The following TRMT1 variants were observed in gnomAD, a reference collection of about 807,000 sequenced individuals.
The protein encoded by TRMT1 is tRNA (guanine(26)-N(2))-dimethyltransferase.
In TRMT1, 63 loss-of-function variants were observed where a neutral mutation model predicts 75.4. The ratio of observed to expected loss-of-function variants is 0.84; its 90% confidence interval spans 0.68 to 1.03. TRMT1 has a LOEUF of 1.03. Ranked by LOEUF, TRMT1 falls within the 50% of genes least tolerant of loss-of-function variation. The probability of loss-of-function intolerance (pLI) is 0.00; values close to 1 mark genes in which losing one functional copy is unlikely to be tolerated. For missense variants in TRMT1, 870 were observed against 905.3 expected (o/e 0.96, Z 0.50); for synonymous variants, 382 against 358.1 (o/e 1.07, Z -0.75).
intron 14 of TRMT1, 62 bp from the exon 15 acceptor site, chr19:13,105,668 T>C (rs1358493317): frequency 2.6e-6 from 4 of 1,512,418 alleles, no homozygotes; most frequent in Admixed American, 1.8e-5. Context: ...GTGTCCCCAC[T>C]CCCCACAGGG....
chr19:13,105,194 C>G (rs879339012), intron 16 of TRMT1, 73 bp downstream of exon 16: 4 of 1,564,426 alleles, frequency 2.6e-6, no homozygotes, highest in Non-Finnish European at 1.7e-6. Context: ...CCCAGCTCCC[C>G]CAATTCTCTC....
In TRMT1 at chr19:13,112,871, C is replaced by T. The variant is rs767106823; in HGVS notation, c.757+25G>A. ...CCTCCAACACCCCAAGCCCTGCTCC[C>T]ACCCCAGTGCCATCCCCACCTCACC... On this transcript the variant is annotated intron_variant, in intron 6 of 16. Coordinates refer to ENST00000357720, the MANE Select transcript of TRMT1 (RefSeq NM_001136035.4). The T allele has an allele frequency of 8.7e-6, 14 of 1,612,574 alleles. No homozygotes were observed. In the East Asian group the frequency reaches 3.1e-4, roughly 36 times the overall value.
intron 14 of TRMT1, 53 bp downstream of exon 14, chr19:13,107,521 T>C (rs1388387094): frequency 1.9e-6 from 3 of 1,541,860 alleles, no homozygotes; most frequent in East Asian, 2.4e-5. Flanking sequence ...CACACACATG[T>C]GCTTCCATGT....
Position 13,110,277 on chromosome 19 carries a change from G to A in TRMT1, c.900C>T (p.Asp300=). 6 of 1,603,154 alleles carry A rather than the reference G, an allele frequency of 3.7e-6. No homozygotes were observed. Among genetic ancestry groups the A allele is most frequent in the Non-Finnish European group, 5.1e-6 (6 of 1,174,208 alleles). The change falls in exon 8 of 17, where the codon GAC becomes GAT. Residue 300 remains aspartate (D), a synonymous_variant. Transcript: ENST00000357720. ...AGCGCTGGTAGCAGTTGGCGCGGAG[G>A]TCCAGGCTGTGCAGGACGATTCTCA... is the stretch of plus-strand genomic sequence containing the variant. ...MALRIVLHSL[D]LRANCYQRFV...
chr19:13,110,366 C>T, intron 7 of TRMT1, 60 bp from the exon 8 acceptor site: 2 of 1,516,736 alleles, frequency 1.3e-6, no homozygotes, highest in South Asian at 1.2e-5. Flanking sequence ...CACCAGGAGC[C>T]CTATGTGGTA....
chr19:13,111,106 C>G lies in TRMT1; in HGVS notation c.871-800G>C, dbSNP rs902345367. ...TGGACCACGCTGGAGTGCAGTGGCACTATCAAAGCTCACAATAACTTTGAA... is the reference window on the plus strand; with the variant it reads ...TGGACCACGCTGGAGTGCAGTGGCAGTATCAAAGCTCACAATAACTTTGAA... On this transcript the variant is annotated intron_variant, in intron 7 of 16. Coordinates refer to ENST00000357720, the MANE Select transcript of TRMT1 (RefSeq NM_001136035.4). Among the ~76,000 whole-genome samples, 45 of 152,314 alleles carry G rather than the reference C, an allele frequency of 3.0e-4. 2 individuals are homozygous for G. The highest frequency in any genetic ancestry group is 2.9e-3 in the Admixed American group (44 of 15,300).
chr19:13,113,003 A>G lies in TRMT1; in HGVS notation c.650T>C (p.Met217Thr). Residue 217 changes from methionine (M) to threonine (T), a missense_variant, in exon 6 of 17, where the codon ATG becomes ACG. Transcript: ENST00000357720. ...QPSQADARML[M>T]YQHQRVSERF... Reference sequence around the variant, plus strand: ...CTCCGACACCCTCTGGTGCTGGTACATCAGCATCCTGGGTGCAAAGAGGGC... The same window carrying G: ...CTCCGACACCCTCTGGTGCTGGTACGTCAGCATCCTGGGTGCAAAGAGGGC... The G allele has an allele frequency of 6.2e-7, 1 of 1,610,226 alleles. No individual in the cohort carries two copies. Among genetic ancestry groups the G allele is most frequent in the Non-Finnish European group, 8.5e-7 (1 of 1,178,064 alleles).
At chr19:13,113,240 C>T (rs2019211598) in intron 5 of TRMT1, among the ~76,000 whole-genome samples, 1 of 152,042 alleles carries the variant, frequency 6.6e-6, no homozygotes, top group Admixed American at 6.5e-5. Context: ...CTCCCTGCAA[C>T]CTCCGCTTCC....
In TRMT1 at chr19:13,112,811, A is replaced by T. The variant is rs1004441988; in HGVS notation, c.764T>A (p.Leu255Gln). 1.9e-6 allele frequency: 3 copies of T among 1,614,010 alleles called. No individual in the cohort carries two copies. Among genetic ancestry groups the T allele is most frequent in the African/African-American group, 2.7e-5 (2 of 74,916 alleles). The change falls in exon 7 of 17, where the codon CTG becomes CAG. Residue 255 changes from leucine (L) to glutamine (Q), a missense_variant. By Grantham distance (113) the Leu-to-Gln change is moderately radical (BLOSUM62 -2). Transcript: ENST00000357720. ...AVQAVSEGGL[L>Q]CVTCTDMAVL... ...CGCCATGTCTGTGCAGGTCACACAC[A>T]GCAACCCTGCAGAGAGGGGCTGGGC...
At chr19:13,112,406 G>A (rs886779509) in intron 7 of TRMT1, among the ~76,000 whole-genome samples, 13 of 152,034 alleles carry the variant, frequency 8.6e-5, no homozygotes, top group Middle Eastern at 3.2e-3. Context: ...CTGGAAAAAC[G>A]ACCTTTAAAA....
chr19:13,109,239 C>G (rs752205805), intron 12 of TRMT1, 142 bp downstream of exon 12: 2 of 979,890 alleles, frequency 2.0e-6, no homozygotes, highest in Non-Finnish European at 3.0e-6. Flanking sequence ...CTCAGCCTCC[C>G]AAGGTACTGG....
At chr19:13,105,441 C>A in intron 15 of TRMT1, 45 bp from the exon 16 acceptor site, 2 of 1,613,894 alleles carry the variant, frequency 1.2e-6, no homozygotes, top group Non-Finnish European at 1.7e-6. Context: ...GCCCTTTACC[C>A]CTTCTTTCCC....
chr19:13,107,237 C>A (rs1387444400), intron 14 of TRMT1, among the ~76,000 whole-genome samples: 1 of 152,062 alleles, frequency 6.6e-6, no homozygotes, highest in East Asian at 1.9e-4. Context: ...CAGGTTCAAG[C>A]GATTCTCCTG....
intron 16 of TRMT1, 35 bp from the exon 17 acceptor site, chr19:13,105,116 G>C (rs760251487): frequency 6.4e-7 from 1 of 1,556,404 alleles, no homozygotes; most frequent in Middle Eastern, 1.7e-4. Flanking sequence ...ACCCCTGCCC[G>C]GAGCTCAGCA....
intron 14 of TRMT1, among the ~76,000 whole-genome samples, 167 bp downstream of exon 14, chr19:13,107,407 T>C (rs2018924472): frequency 6.6e-6 from 1 of 152,256 alleles, no homozygotes; most frequent in Admixed American, 6.5e-5. Flanking sequence ...CCCAAAGTGC[T>C]GGGATTACAG....
In TRMT1 at chr19:13,107,589, A is replaced by G; in HGVS notation, c.1568T>C (p.Leu523Pro). 6.2e-7 allele frequency: 1 copy of G among 1,605,888 alleles called. No homozygotes were observed. The change falls in exon 14 of 17, where the codon CTC becomes CCC. Residue 523 changes from leucine to proline, a missense_variant. Transcript: ENST00000357720. ...TTGCCCCTACCTGGGCTCCACACTG[A>G]GAATGCGGAACGCTGGGCTAGTCTC... ...LSETSPAFRI[L>P]SVEPRLQANF...
chr19:13,106,583 C>T (rs1002527036), intron 14 of TRMT1, among the ~76,000 whole-genome samples: 1 of 150,928 alleles, frequency 6.6e-6, no homozygotes, highest in Non-Finnish European at 1.5e-5. Flanking sequence ...TCAAGCGATT[C>T]ACCTGCCTCA....
Position 13,109,541 on chromosome 19 carries a change from G to A in TRMT1, c.1311+9C>T, listed in dbSNP as rs200130273. On this transcript the variant is annotated intron_variant, in intron 11 of 16. Coordinates refer to ENST00000357720, the MANE Select transcript of TRMT1 (RefSeq NM_001136035.4). Reference sequence around the variant, plus strand: ...GGAGCCCCCTTCCCCGTCACAGCCCGGCTCTCACCTCAGTGATGACGCTCA... The same window carrying A: ...GGAGCCCCCTTCCCCGTCACAGCCCAGCTCTCACCTCAGTGATGACGCTCA... 2.4e-5 allele frequency: 39 copies of A among 1,613,942 alleles called. No individual in the cohort carries two copies. Among genetic ancestry groups the A allele is most frequent in the Middle Eastern group, 1.7e-4 (1 of 6,042 alleles).
At chr19:13,110,394 A>T in intron 7 of TRMT1, 88 bp from the exon 8 acceptor site, 2 of 1,428,366 alleles carry the variant, frequency 1.4e-6, no homozygotes, top group Non-Finnish European at 1.9e-6. Flanking sequence ...GTACAGGCTC[A>T]GGGCCAGCTC....
Sources: allele counts gnomAD v4.1 joint callset (sites outside exome capture counted in the v4.1 genomes callset), GRCh38; gene constraint gnomAD v4.1.1; transcripts MANE v1.5; gene names NCBI Gene and HGNC (gene_info 2026-07-23, HGNC 2026-07-21).